SMAD3: variants seen among roughly 807,000 people sequenced by gnomAD.
SMAD3 encodes the protein MAD homolog 3.
A neutral mutation model predicts 51.8 loss-of-function variants in SMAD3; 12 were observed. That is an observed-to-expected ratio of 0.23 (90% CI 0.15 to 0.38). SMAD3 has a LOEUF of 0.38. Among genes scored for constraint, SMAD3 ranks in the 10% least tolerant of loss-of-function variants. SMAD3 has a pLI of 1.00. For synonymous variants in SMAD3, 238 were observed against 227.7 expected (o/e 1.05, Z -0.41); for missense variants, 294 against 565.6 (o/e 0.52, Z 4.87).
At chr15:67,172,886 TAA>T (rs1962788954) in intron 5 of SMAD3, among the ~76,000 whole-genome samples, 1 of 152,100 alleles carries the variant, frequency 6.6e-6, no homozygotes, top group South Asian at 2.1e-4. Flanking sequence ...GTTGGAGACG[TAA>T]AAGTCTGTGG....
At chr15:67,099,173 G>T in intron 1 of SMAD3, 1 of 628,736 alleles carries the variant, frequency 1.6e-6, no homozygotes, top group South Asian at 1.8e-5. Context: ...CACAGGGCTG[G>T]AAAGTGGGAT....
At position 67,150,847 on chromosome 15, in the gene SMAD3, CTTTTTT is replaced by C. The variant is rs58914503; in HGVS notation, c.207-14027_207-14022del. Among the ~76,000 whole-genome samples the C allele has an allele frequency of 3.0e-3, 44 of 14,670 alleles. 1 individual carries two copies. Among genetic ancestry groups the C allele is most frequent in the African/African-American group, 9.7e-3 (35 of 3,600 alleles). The allele number at this position is 14,670 out of a possible 152,430, so 9.6% of individuals were successfully genotyped here. On this transcript the variant is annotated intron_variant, in intron 1 of 8. Transcript: ENST00000327367. ...TAAGAGAGCAAAGCTATTTCTCAGTCTTTTTTTTTTTTTTTTTTTTTTTTTTGAGAT... is the reference window on the plus strand; with the variant it reads ...TAAGAGAGCAAAGCTATTTCTCAGTCTTTTTTTTTTTTTTTTTTTTGAGAT...
At chr15:67,170,744 G>C (rs1962728712) in intron 5 of SMAD3, 140 bp downstream of exon 5, 1 of 722,992 alleles carries the variant, frequency 1.4e-6, no homozygotes, top group South Asian at 1.7e-5. Flanking sequence ...CAGGTTTCTG[G>C]TTACGGTGAT....
chr15:67,181,113 TG>T, intron 5 of SMAD3, 127 bp from the exon 6 acceptor site: 1 of 745,446 alleles, frequency 1.3e-6, no homozygotes, highest in Non-Finnish European at 2.3e-6. Flanking sequence ...ATAAAAGGCA[TG>T]GGGTAGGGAG....
intron 1 of SMAD3, among the ~76,000 whole-genome samples, chr15:67,131,581 G>A (rs188799561): frequency 2.0e-5 from 3 of 152,260 alleles, no homozygotes; most frequent in Non-Finnish European, 2.9e-5. Flanking sequence ...TCCCAGTCCC[G>A]CTGTAAAGAG....
At chr15:67,170,754 T>C in intron 5 of SMAD3, 150 bp downstream of exon 5, 1 of 666,756 alleles carries the variant, frequency 1.5e-6, no homozygotes, top group Non-Finnish European at 2.6e-6. Flanking sequence ...GTTACGGTGA[T>C]GTTGAGGTCA....
At chr15:67,188,628 C>G (rs550471876) in intron 8 of SMAD3, among the ~76,000 whole-genome samples, 2 of 152,374 alleles carry the variant, frequency 1.3e-5, no homozygotes, top group African/African-American at 4.8e-5. Context: ...TGCCAGCCGC[C>G]AGCTCCTGCG....
chr15:67,147,355 C>T (rs1235239994), intron 1 of SMAD3, among the ~76,000 whole-genome samples: 1 of 152,218 alleles, frequency 6.6e-6, no homozygotes, highest in East Asian at 1.9e-4. Context: ...ATGGAAGCTC[C>T]TGCCCTTTAT....
At chr15:67,068,975 G>T (rs1028774036) in intron 1 of SMAD3, among the ~76,000 whole-genome samples, 3 of 152,196 alleles carry the variant, frequency 2.0e-5, no homozygotes, top group African/African-American at 7.2e-5. Context: ...GTGTGTGGGG[G>T]GTTGGTCACT....
intron 5 of SMAD3, among the ~76,000 whole-genome samples, chr15:67,173,879 C>A (rs528891382): frequency 6.6e-6 from 1 of 152,230 alleles, no homozygotes; most frequent in African/African-American, 2.4e-5. Flanking sequence ...TGTTGACCAG[C>A]GTTAAGTGGG....
In SMAD3 at chr15:67,194,871, C is replaced by A. The variant is rs75971163; in HGVS notation, c.*4335C>A. ...GAGATGGAGCCATCTATCCAAGAAG[C>A]CTTCACTCACCTTCACTGCTGCTGT... On this transcript the variant is annotated 3_prime_UTR_variant, in exon 9 of 9. Coordinates refer to ENST00000327367, the MANE Select transcript of SMAD3 (RefSeq NM_005902.4). 4.3e-6 allele frequency: 1 copy of A among 233,448 alleles called. No homozygotes were observed. The allele number at this position is 233,448 out of a possible 1,614,324, so 14.5% of individuals were successfully genotyped here. A position where few individuals can be genotyped will look rare whatever the true frequency, so the allele number is the denominator to read the frequency against.
chr15:67,102,256 G>GTGTGTA (rs1026187735), intron 1 of SMAD3, among the ~76,000 whole-genome samples: 5 of 151,360 alleles, frequency 3.3e-5, no homozygotes, highest in Non-Finnish European at 1.5e-5. Flanking sequence ...AAGTGTGTGT[G>GTGTGTA]TGTGTGTGTG....
intron 1 of SMAD3, among the ~76,000 whole-genome samples, chr15:67,144,301 A>T (rs1961915373): frequency 6.6e-6 from 1 of 151,932 alleles, no homozygotes; most frequent in Non-Finnish European, 1.5e-5. Context: ...TTATTTTCAG[A>T]TTCATCCATC....
intron 1 of SMAD3, among the ~76,000 whole-genome samples, chr15:67,131,510 G>T (rs1367234873): frequency 2.6e-5 from 4 of 152,224 alleles, no homozygotes; most frequent in South Asian, 4.1e-4. Flanking sequence ...AATGGTGGCT[G>T]ATGTCTGTTG....
intron 3 of SMAD3, chr15:67,166,550 G>T: frequency 1.6e-6 from 1 of 608,058 alleles, no homozygotes; most frequent in Admixed American, 2.6e-5. Flanking sequence ...AGACTTGGGA[G>T]TTGATCCGGT....
chr15:67,096,177 C>T (rs1960611624), intron 1 of SMAD3, among the ~76,000 whole-genome samples: 1 of 152,200 alleles, frequency 6.6e-6, no homozygotes, highest in Non-Finnish European at 1.5e-5. Context: ...ACTTCCCTGA[C>T]ACCAACCACT....
chr15:67,091,259 T>A (rs1222984889), intron 1 of SMAD3, among the ~76,000 whole-genome samples: 1 of 152,188 alleles, frequency 6.6e-6, no homozygotes, highest in Non-Finnish European at 1.5e-5. Context: ...CAGGCCCCAG[T>A]CTCCTCTGGA....
chr15:67,181,471 T>TGGGCCCCCCCCCCCCCCCCCCCCCCCC lies in SMAD3; in HGVS notation c.871+18_871+19insGGGCCCCCCCCCCCCCCCCCCCCCCCC. Reference sequence around the variant, plus strand: ...ACACATCGGTATGGGGTGGCTCCATTCCCCGCCCCCCCACCCTGCCCCTGC... The same window carrying TGGGCCCCCCCCCCCCCCCCCCCCCCCC: ...ACACATCGGTATGGGGTGGCTCCATTGGGCCCCCCCCCCCCCCCCCCCCCCCCCCCCGCCCCCCCACCCTGCCCCTGC... On this transcript the variant is annotated intron_variant, in intron 6 of 8. Transcript: ENST00000327367. The TGGGCCCCCCCCCCCCCCCCCCCCCCCC allele has an allele frequency of 6.6e-7, 1 of 1,521,128 alleles. No individual in the cohort carries two copies. Among genetic ancestry groups the TGGGCCCCCCCCCCCCCCCCCCCCCCCC allele is most frequent in the Non-Finnish European group, 8.8e-7 (1 of 1,132,028 alleles). 94.2% of individuals were successfully genotyped at this position (1,521,128 alleles called of 1,614,324 possible). A position where few individuals can be genotyped will look rare whatever the true frequency, so the allele number is the denominator to read the frequency against.
chr15:67,127,398 C>T (rs1277737950), intron 1 of SMAD3, among the ~76,000 whole-genome samples: 2 of 152,192 alleles, frequency 1.3e-5, no homozygotes, highest in Admixed American at 6.5e-5. Flanking sequence ...GAGTCCTGTT[C>T]CTCCTCAGGC....
Sources: allele counts gnomAD v4.1 joint callset (sites outside exome capture counted in the v4.1 genomes callset), GRCh38; gene constraint gnomAD v4.1.1; transcripts MANE v1.5; gene names NCBI Gene and HGNC (gene_info 2026-07-23, HGNC 2026-07-21).